The following SHANK2 variants were observed in gnomAD, a reference collection of about 807,000 sequenced individuals.
The protein encoded by SHANK2 is SH3 and multiple ankyrin repeat domains 2, also known as SH3 and multiple ankyrin repeat domains protein 2.
Under a neutral mutation model 133.7 loss-of-function variants are expected in SHANK2, and 43 were observed. The ratio of observed to expected loss-of-function variants is 0.32; its 90% CI spans 0.25 to 0.41. The LOEUF (loss-of-function observed/expected upper bound fraction) is 0.41. Ranked by LOEUF, SHANK2 falls within the 10% of genes least tolerant of loss-of-function variation. The probability of loss-of-function intolerance (pLI) is 1.00; values close to 1 mark genes in which losing one functional copy is unlikely to be tolerated. For synonymous variants in SHANK2, 1,017 were observed against 952.8 expected (o/e 1.07, Z -1.24); for missense variants, 1,994 against 2,235.8 (o/e 0.89, Z 2.18).
chr11:70,932,375 C>G (rs1555082654), intron 10 of SHANK2, among the ~76,000 whole-genome samples: 1 of 152,262 alleles, frequency 6.6e-6, no homozygotes, highest in African/African-American at 2.4e-5. Context: ...AAGGGGTCTT[C>G]AGACCCCCTC....
intron 17 of SHANK2, among the ~76,000 whole-genome samples, chr11:70,571,900 C>T (rs953613348): frequency 6.6e-6 from 1 of 152,144 alleles, no homozygotes; most frequent in African/African-American, 2.4e-5. Context: ...GTCCATGTCT[C>T]TGCAACATTC....
intron 11 of SHANK2, among the ~76,000 whole-genome samples, chr11:70,823,236 G>A (rs1246141509): frequency 1.1e-5 from 1 of 89,540 alleles, no homozygotes; most frequent in African/African-American, 4.8e-5. Context: ...CAGAGTTCAC[G>A]GGGGACAGAG....
rs1343310328 is a variant in SHANK2, at chr11:70,490,400, G to A, written c.2440-13C>T. 6.2e-7 allele frequency: 1 copy of A among 1,611,380 alleles called. No homozygotes were observed. Among genetic ancestry groups the A allele is most frequent in the East Asian group, 2.2e-5 (1 of 44,882 alleles). ...GTTCGTACACAGACTGCAAACCAGAGAGCCTAGGGTGAGACGCAGCCCTGG... is the reference window on the plus strand; with the variant it reads ...GTTCGTACACAGACTGCAAACCAGAAAGCCTAGGGTGAGACGCAGCCCTGG... On this transcript the variant is annotated splice_polypyrimidine_tract_variant and intron_variant, in intron 22 of 25. Coordinates refer to ENST00000601538, the MANE Select transcript of SHANK2 (RefSeq NM_012309.5).
intron 6 of SHANK2, among the ~76,000 whole-genome samples, chr11:71,094,998 G>GA (rs1156629933): frequency 6.6e-6 from 1 of 152,234 alleles, no homozygotes; most frequent in Admixed American, 6.5e-5. Context: ...TGAGTACACA[G>GA]AATCCTGTGG....
chr11:71,196,653 G>T (rs114100971), intron 2 of SHANK2, among the ~76,000 whole-genome samples: 1 of 151,898 alleles, frequency 6.6e-6, no homozygotes, highest in Non-Finnish European at 1.5e-5. Flanking sequence ...AAGGCTCTCT[G>T]GCACAACAAA....
chr11:71,198,951 C>T (rs1953967293), intron 2 of SHANK2, among the ~76,000 whole-genome samples: 1 of 152,202 alleles, frequency 6.6e-6, no homozygotes, highest in Non-Finnish European at 1.5e-5. Context: ...TGACCAGGCC[C>T]ATTTCCTCGA....
chr11:70,755,642 C>T (rs894213309), intron 14 of SHANK2, among the ~76,000 whole-genome samples: 11 of 152,154 alleles, frequency 7.2e-5, no homozygotes, highest in Admixed American at 2.0e-4. Flanking sequence ...CGGCCTTTCT[C>T]GTGCGGAAGG....
rs576895922 is a variant in SHANK2, at chr11:70,712,959, C to G, written c.1778-14196G>C. 3.1e-3 allele frequency among the ~76,000 whole-genome samples: 466 copies of G among 152,366 alleles called. 2 individuals are homozygous for G. The highest frequency in any genetic ancestry group is 5.7e-3 in the Non-Finnish European group (388 of 68,038). On this transcript the variant is annotated intron_variant, in intron 14 of 25. Transcript: ENST00000601538. ...GCACATGTGTATGGCGTGTGTCATCCGCCCTGCTCCTCTTTGCTCGATGCT... is the reference window on the plus strand; with the variant it reads ...GCACATGTGTATGGCGTGTGTCATCGGCCCTGCTCCTCTTTGCTCGATGCT...
chr11:70,921,276 G>A (rs993058431), intron 10 of SHANK2, among the ~76,000 whole-genome samples: 2 of 152,198 alleles, frequency 1.3e-5, no homozygotes, highest in African/African-American at 2.4e-5. Flanking sequence ...GCCAAGGTTT[G>A]GAAAGAGGAC....
chr11:70,617,541 G>A (rs1554996450), intron 17 of SHANK2, among the ~76,000 whole-genome samples: 1 of 152,124 alleles, frequency 6.6e-6, no homozygotes, highest in East Asian at 1.9e-4. Flanking sequence ...TCAGAGCAGA[G>A]CTAGGGGGCA....
chr11:71,250,127 T>TA lies in SHANK2; in HGVS notation c.-113+2297_-113+2298insT, dbSNP rs146193475. 2.0e-5 allele frequency among the ~76,000 whole-genome samples: 3 copies of TA among 151,416 alleles called. No homozygotes were observed. The East Asian group carries it at 5.9e-4, about 30-fold the overall frequency. ...AACAGACCGCCCCCCTCCCCGGGGG[T>TA]GGGGGGGAATCTAATTTGTTAAAAG... On this transcript the variant is annotated intron_variant, in intron 1 of 25. Transcript: ENST00000601538.
chr11:70,562,937 T>A (rs1222392533), intron 17 of SHANK2, among the ~76,000 whole-genome samples: 1 of 152,204 alleles, frequency 6.6e-6, no homozygotes, highest in Non-Finnish European at 1.5e-5. Flanking sequence ...AGTGGCACGA[T>A]CTCGGCTCAC....
At chr11:70,537,865 C>G (rs1463499704) in intron 17 of SHANK2, among the ~76,000 whole-genome samples, 3 of 152,184 alleles carry the variant, frequency 2.0e-5, no homozygotes, top group African/African-American at 4.8e-5. Context: ...CAGCAGGTCA[C>G]AGAGGCCCGT....
intron 17 of SHANK2, among the ~76,000 whole-genome samples, chr11:70,565,009 C>T (rs974794961): frequency 1.3e-5 from 2 of 152,226 alleles, no homozygotes; most frequent in Non-Finnish European, 2.9e-5. Context: ...TGTCTGCTAA[C>T]TCTAACATCG....
At chr11:70,561,207 G>A (rs2059905129) in intron 17 of SHANK2, among the ~76,000 whole-genome samples, 1 of 152,078 alleles carries the variant, frequency 6.6e-6, no homozygotes, top group Non-Finnish European at 1.5e-5. Flanking sequence ...AGGCTGGAGT[G>A]CACTGGTGTG....
At chr11:71,210,210 G>GTGTATGTATATATA (rs1491563939) in intron 2 of SHANK2, among the ~76,000 whole-genome samples, 1 of 54,074 alleles carries the variant, frequency 1.8e-5, no homozygotes, top group Admixed American at 2.4e-4. Context: ...AAATCCACAG[G>GTGTATGTATATATA]TATATATATA....
chr11:70,489,228 G>A, intron 24 of SHANK2, 100 bp downstream of exon 24: 1 of 1,220,408 alleles, frequency 8.2e-7, no homozygotes, highest in South Asian at 1.2e-5. Flanking sequence ...TTGGCTGTCT[G>A]GCAATTCTGT....
chr11:70,653,632 C>T (rs550367629), intron 17 of SHANK2, among the ~76,000 whole-genome samples: 1 of 150,954 alleles, frequency 6.6e-6, no homozygotes, highest in South Asian at 2.1e-4. Flanking sequence ...AGTCATTAGG[C>T]TTGCTGGGTC....
intron 17 of SHANK2, among the ~76,000 whole-genome samples, chr11:70,583,986 G>A (rs868924498): frequency 1.6e-4 from 24 of 151,990 alleles, no homozygotes; most frequent in Admixed American, 2.6e-4. Flanking sequence ...TAACCTCTGG[G>A]CATGGCCTGA....
Sources: gnomAD v4.1 joint callset for allele counts (sites outside exome capture counted in the v4.1 genomes callset) on GRCh38, gnomAD v4.1.1 for gene constraint, MANE v1.5 for transcripts, NCBI Gene and HGNC (gene_info 2026-07-23, HGNC 2026-07-21) for gene names.